Variants in PTPN1 observed in about 807,000 individuals in gnomAD.
The protein encoded by PTPN1 is protein tyrosine phosphatase non-receptor type 1, also known as tyrosine-protein phosphatase non-receptor type 1.
Under a neutral mutation model 59.9 loss-of-function variants are expected in PTPN1, and 12 were observed. That is an observed-to-expected ratio of 0.20 (90% CI 0.13 to 0.32). PTPN1 has a LOEUF of 0.32. Among genes scored for constraint, PTPN1 ranks in the 10% least tolerant of loss-of-function variants. The pLI, the probability that PTPN1 is intolerant of heterozygous loss-of-function variation, is 1.00. For missense variants in PTPN1, 356 were observed against 549.2 expected (o/e 0.65, Z 3.52); for synonymous variants, 178 against 203.6 (o/e 0.87, Z 1.07).
intron 1 of PTPN1, among the ~76,000 whole-genome samples, chr20:50,530,547 C>T (rs755368284): frequency 6.6e-6 from 1 of 151,486 alleles, no homozygotes; most frequent in African/African-American, 2.4e-5. Flanking sequence ...TTAGTAGAGA[C>T]AGGGTTTCAC....
chr20:50,532,646 A>G (rs1003496314), intron 1 of PTPN1, among the ~76,000 whole-genome samples: 1 of 152,182 alleles, frequency 6.6e-6, no homozygotes, highest in African/African-American at 2.4e-5. Context: ...ATTTGTATGT[A>G]TGGTATTTAA....
At position 50,530,689 on chromosome 20, in the gene PTPN1, T is replaced by A. The variant is rs1427268341; in HGVS notation, c.63+20099T>A. On this transcript the variant is annotated intron_variant, in intron 1 of 9. Transcript: ENST00000371621. ...AGCGTGAGCCACCACGCCTGGCCAA[T>A]TTTTTTTTTTTTTTTCTTTTTGAGA... 6.1e-5 allele frequency among the ~76,000 whole-genome samples: 8 copies of A among 131,328 alleles called. 1 individual carries two copies. Among genetic ancestry groups the A allele is most frequent in the Admixed American group, 5.9e-4 (8 of 13,650 alleles). 86.2% of individuals were successfully genotyped at this position (131,328 alleles called of 152,430 possible).
rs1000153249 is a variant in PTPN1 at position 50,578,531 on chromosome 20, G to C, written c.604G>C (p.Gly202Arg). The change falls in exon 6 of 10, where the codon GGG becomes CGG. Residue 202 changes from glycine to arginine, a missense_variant. Gly to Arg is a moderately radical substitution (Grantham distance 125). Coordinates refer to ENST00000371621, the MANE Select transcript of PTPN1 (RefSeq NM_002827.4). ...CTTTCTTTTCAAAGTCCGAGAGTCA[G>C]GGTCACTCAGCCCGGAGCACGGGCC... ...LNFLFKVRES[G>R]SLSPEHGPVV... 4 of 1,614,256 alleles carry C rather than the reference G, an allele frequency of 2.5e-6. No homozygotes were observed. Among genetic ancestry groups the C allele is most frequent in the Non-Finnish European group, 3.4e-6 (4 of 1,180,046 alleles).
Position 50,556,451 on chromosome 20 carries a change from A to G in PTPN1, c.64-4912A>G, listed in dbSNP as rs1190356999. Among the ~76,000 whole-genome samples, 10 of 152,210 alleles carry G rather than the reference A, an allele frequency of 6.6e-5. No individual in the cohort carries two copies. In the East Asian group the frequency reaches 1.9e-3, roughly 29 times the overall value. ...AACAATCCTCCCACCTCGGCTCCCA[A>G]AGTGCTGGGATTACAGATGTGAACC... On this transcript the variant is annotated intron_variant, in intron 1 of 9. Transcript: ENST00000371621.
chr20:50,583,005 C>T lies in PTPN1; in HGVS notation c.*290C>T. 1 of 460,512 alleles carries T rather than the reference C, an allele frequency of 2.2e-6. No individual in the cohort carries two copies. The highest frequency in any genetic ancestry group is 3.6e-5 in the South Asian group (1 of 27,922). 28.5% of individuals were successfully genotyped at this position (460,512 alleles called of 1,614,324 possible). ...GGCGCAGAGGGAAGGGGCCTACACC[C>T]GTCTTGGGGCTCGCCCCACCCAGGG... On this transcript the variant is annotated 3_prime_UTR_variant, in exon 10 of 10. Coordinates refer to ENST00000371621, the MANE Select transcript of PTPN1 (RefSeq NM_002827.4).
rs2082790921 is a variant in PTPN1 at position 50,568,671 on chromosome 20, G to A, written c.354+193G>A. 6.6e-6 allele frequency among the ~76,000 whole-genome samples: 1 copy of A among 152,186 alleles called. No individual in the cohort carries two copies. The highest frequency in any genetic ancestry group is 1.5e-5 in the Non-Finnish European group (1 of 68,034). On this transcript the variant is annotated intron_variant, in intron 4 of 9. Transcript: ENST00000371621. This position sits in a 1 kb window ranked among gnomAD's most constrained non-coding sequence, Gnocchi z 5.6. Reference sequence around the variant, plus strand: ...AACCAGTTAATGAAGTGAATAAAAGGGAGGAGGCGGAAGAACTGCACGGAC... The same window carrying A: ...AACCAGTTAATGAAGTGAATAAAAGAGAGGAGGCGGAAGAACTGCACGGAC...
chr20:50,557,786 A>T (rs1417764864), intron 1 of PTPN1: 1 of 152,100 alleles, frequency 6.6e-6, no homozygotes, highest in African/African-American at 2.4e-5. Context: ...TCCATTTCCA[A>T]CCTGGACCAG....
chr20:50,579,104 G>A, intron 6 of PTPN1, 64 bp from the exon 7 acceptor site: 4 of 1,525,666 alleles, frequency 2.6e-6, no homozygotes, highest in Non-Finnish European at 2.7e-6. Flanking sequence ...ACATCTAACG[G>A]TGTTATTAAC....
chr20:50,569,163 A>C (rs192015842), intron 4 of PTPN1, among the ~76,000 whole-genome samples: 3 of 152,238 alleles, frequency 2.0e-5, no homozygotes, highest in Admixed American at 2.0e-4. Flanking sequence ...CTCAAATCCA[A>C]GTCTCACCAC....
intron 8 of PTPN1, among the ~76,000 whole-genome samples, chr20:50,581,028 G>A (rs1177702692): frequency 6.6e-6 from 1 of 152,158 alleles, no homozygotes; most frequent in African/African-American, 2.4e-5. Context: ...CCTACCCTGG[G>A]TGTGGGTGCT....
intron 1 of PTPN1, among the ~76,000 whole-genome samples, chr20:50,523,203 C>G (rs1601387151): frequency 6.6e-6 from 1 of 152,286 alleles, no homozygotes; most frequent in South Asian, 2.1e-4. Flanking sequence ...ATGGAAGATG[C>G]AGCCCCTCAT....
chr20:50,580,218 C>A (rs1045643010), intron 8 of PTPN1, among the ~76,000 whole-genome samples: 3 of 152,038 alleles, frequency 2.0e-5, no homozygotes, highest in South Asian at 2.1e-4. Context: ...GTTTTTCTGC[C>A]CCCCCTGACG....
At chr20:50,546,777 T>C (rs1386607946) in intron 1 of PTPN1, among the ~76,000 whole-genome samples, 1 of 152,224 alleles carries the variant, frequency 6.6e-6, no homozygotes, top group Non-Finnish European at 1.5e-5. Context: ...CCTTTCTCCC[T>C]GGGACCATGG....
At chr20:50,557,290 G>A (rs2082730212) in intron 1 of PTPN1, among the ~76,000 whole-genome samples, 1 of 152,058 alleles carries the variant, frequency 6.6e-6, no homozygotes, top group Non-Finnish European at 1.5e-5. Flanking sequence ...GAGTACAGTG[G>A]CACCATCGTA....
At chr20:50,532,166 T>C (rs935433782) in intron 1 of PTPN1, among the ~76,000 whole-genome samples, 2 of 152,248 alleles carry the variant, frequency 1.3e-5, no homozygotes, top group Non-Finnish European at 2.9e-5. Context: ...TACAATGGCC[T>C]GCAAAATAGA....
rs548646945 is a variant in PTPN1, at chr20:50,583,098, C to A, written c.*383C>A. ...CCCCCCTTGAATCTGCAGGGAGCAA[C>A]TCTCCACTCCATATTTATTTAAACA... On this transcript the variant is annotated 3_prime_UTR_variant, in exon 10 of 10. Coordinates refer to ENST00000371621, the MANE Select transcript of PTPN1 (RefSeq NM_002827.4). 1 of 255,930 alleles carries A rather than the reference C, an allele frequency of 3.9e-6. No homozygotes were observed. Among genetic ancestry groups the A allele is most frequent in the Non-Finnish European group, 7.4e-6 (1 of 134,362 alleles). The allele number at this position is 255,930 out of a possible 1,614,324, so 15.9% of individuals were successfully genotyped here. A position where few individuals can be genotyped will look rare whatever the true frequency, so the allele number is the denominator to read the frequency against.
At chr20:50,510,611 G>T (rs775335067) in intron 1 of PTPN1, 21 bp downstream of exon 1, 1 of 1,549,726 alleles carries the variant, frequency 6.5e-7, no homozygotes, top group South Asian at 1.2e-5. Context: ...GCCCCGGAGC[G>T]TGGCGGGCCC....
intron 5 of PTPN1, 58 bp downstream of exon 5, chr20:50,574,712 T>G: frequency 1.3e-6 from 2 of 1,538,448 alleles, no homozygotes; most frequent in Non-Finnish European, 1.8e-6. Context: ...TGCCTCTTCC[T>G]TTATCCCTTG....
At chr20:50,541,759 A>G (rs540545767) in intron 1 of PTPN1, among the ~76,000 whole-genome samples, 1 of 152,274 alleles carries the variant, frequency 6.6e-6, no homozygotes, top group East Asian at 1.9e-4. Flanking sequence ...TTGAAGCAAC[A>G]GTGCCGGAAC....
Sources: allele counts gnomAD v4.1 joint callset (sites outside exome capture counted in the v4.1 genomes callset), GRCh38; gene constraint gnomAD v4.1.1; non-coding constraint Gnocchi (gnomAD v3.1); transcripts MANE v1.5; gene names NCBI Gene and HGNC (gene_info 2026-07-23, HGNC 2026-07-21).